ATP8B3: variants seen among roughly 807,000 people sequenced by gnomAD.
ATP8B3 encodes ATPase phospholipid transporting 8B3.
Under a neutral mutation model 140.9 loss-of-function variants are expected in ATP8B3, and 141 were observed. The ratio of observed to expected loss-of-function variants is 1.00; its 90% CI spans 0.87 to 1.15. ATP8B3 has a LOEUF of 1.15. Among genes scored for constraint, ATP8B3 ranks in the 50% most tolerant of loss-of-function variants. The pLI, the probability that ATP8B3 is intolerant of heterozygous loss-of-function variation, is 0.00. For synonymous variants in ATP8B3, 765 were observed against 714.6 expected, an observed-to-expected ratio of 1.07 and a Z score of -1.13; for missense variants, 1,874 against 1,740.6, an observed-to-expected ratio of 1.08 and a Z score of -1.36.
rs371682050 is a variant in ATP8B3 at position 1,789,876 on chromosome 19, T to A, written c.2478+14A>T. 3.1e-6 allele frequency: 5 copies of A among 1,608,768 alleles called. No homozygotes were observed. The highest frequency in any genetic ancestry group is 4.2e-6 in the Non-Finnish European group (5 of 1,177,726). ...GGCGCCGGGACCCCGCCGTCCACCC[T>A]GAGCGACACTGACCAGGAAGTCTCC... On this transcript the variant is annotated intron_variant, in intron 22 of 28. Transcript: ENST00000310127.
Position 1,796,249 on chromosome 19 carries a change from C to G in ATP8B3, c.1770G>C (p.Gln590His). 6.2e-7 allele frequency: 1 copy of G among 1,611,146 alleles called. No individual in the cohort carries two copies. Among genetic ancestry groups the G allele is most frequent in the South Asian group, 1.1e-5 (1 of 90,884 alleles). The change falls in exon 17 of 29, where the codon CAG becomes CAC. Residue 590 changes from glutamine to histidine, a missense_variant. Coordinates refer to ENST00000310127, the MANE Select transcript of ATP8B3 (RefSeq NM_138813.4). ...GCGCCCCCTCGTCGGGGGAGGCCGC[C>G]TGGTACAACAGCTGGTCTGGTAGGG... ...PRERPDQLLYQAASPDEGALV... is the reference protein window; with the variant it reads ...PRERPDQLLYHAASPDEGALV...
In ATP8B3 at chr19:1,805,348, G is replaced by A. The variant is rs756648135; in HGVS notation, c.904+26C>T. The A allele has an allele frequency of 7.8e-6, 12 of 1,532,642 alleles. No individual in the cohort carries two copies. Among genetic ancestry groups the A allele is most frequent in the African/African-American group, 6.9e-5 (5 of 72,826 alleles). The allele number at this position is 1,532,642 out of a possible 1,614,324, so 94.9% of individuals were successfully genotyped here. On this transcript the variant is annotated intron_variant, in intron 10 of 28. Transcript: ENST00000310127. This position sits in a 1 kb window ranked among gnomAD's most constrained non-coding sequence, Gnocchi z 5.2. ...TTTAACTTTTACAGATTCGAGGGAC[G>A]TGACTCCCTGCTCAACGCCTCTCAC...
intron 20 of ATP8B3, among the ~76,000 whole-genome samples, chr19:1,791,350 C>A (rs1360047917): frequency 6.6e-6 from 1 of 151,592 alleles, no homozygotes; most frequent in Non-Finnish European, 1.5e-5. Context: ...TAGCTGAGAC[C>A]ACAAGCATGT....
Position 1,785,684 on chromosome 19 carries a change from C to T in ATP8B3, c.3178G>A (p.Glu1060Lys). ...EQDVSAEQSL[E>K]KPELYVVGQK... ...CCCACCACGTACAGCTCCGGCTTCT[C>T]CAGGCTCTGCTCTGCGCTCACGTCC... The change falls in exon 26 of 29, where the codon GAG becomes AAG. Residue 1060 changes from glutamate (E) to lysine (K), a missense_variant. Around this residue, in one of 3 missense-constraint regions of ATP8B3, gnomAD observed 840 missense variants for 760.9 expected, o/e 1.10. Coordinates refer to ENST00000310127, the MANE Select transcript of ATP8B3 (RefSeq NM_138813.4). 1.2e-6 allele frequency: 2 copies of T among 1,610,948 alleles called. No homozygotes were observed. Among genetic ancestry groups the T allele is most frequent in the East Asian group, 2.2e-5 (1 of 44,794 alleles).
chr19:1,810,754 G>A (rs1173911464), intron 2 of ATP8B3, 71 bp from the exon 3 acceptor site: 2 of 1,461,800 alleles, frequency 1.4e-6, no homozygotes, highest in East Asian at 4.7e-5. Context: ...GGTCTTCAAG[G>A]AGCTCACAGC....
chr19:1,785,496 C>G lies in ATP8B3; in HGVS notation c.3366G>C (p.Leu1122=), dbSNP rs1306725316. The change falls in exon 26 of 29, where the codon CTG becomes CTC. Residue 1122 remains leucine, a synonymous_variant. Coordinates refer to ENST00000310127, the MANE Select transcript of ATP8B3 (RefSeq NM_138813.4). ...DHQSFAVVVA[L]SCLLSITMEV... is the part of the protein sequence containing the mutation. ...CCATGGTGATGGACAGCAGGCAAGA[C>G]AGGGCCACCACGACCGCAAAGGACT... 2 of 1,612,992 alleles carry G rather than the reference C, an allele frequency of 1.2e-6. No homozygotes were observed. The highest frequency in any genetic ancestry group is 2.7e-5 in the African/African-American group (2 of 75,070).
intron 10 of ATP8B3, among the ~76,000 whole-genome samples, chr19:1,804,373 G>A (rs1305498054): frequency 6.6e-6 from 1 of 152,204 alleles, no homozygotes; most frequent in African/African-American, 2.4e-5. Flanking sequence ...ACTTTGGGAA[G>A]CCGAGGCAGG....
chr19:1,805,542 A>G lies in ATP8B3; in HGVS notation c.822-86T>C, dbSNP rs1253086128. The G allele has an allele frequency of 1.1e-5, 13 of 1,173,994 alleles. No individual in the cohort carries two copies. Among genetic ancestry groups the G allele is most frequent in the Non-Finnish European group, 1.6e-5 (13 of 805,564 alleles). The allele number at this position is 1,173,994 out of a possible 1,614,324, so 72.7% of individuals were successfully genotyped here. A position where few individuals can be genotyped will look rare whatever the true frequency, so the allele number is the denominator to read the frequency against. ...AGACCCCTTCTGGAGTCACTCAAAC[A>G]TTTTCACTGAGCACCTACTAGTTCG... is the stretch of plus-strand genomic sequence containing the variant. On this transcript the variant is annotated intron_variant, in intron 9 of 28. Transcript: ENST00000310127. The surrounding 1 kb of genome is among the most constrained non-coding windows in gnomAD (Gnocchi z 5.2).
rs1348373183 is a variant in ATP8B3 at position 1,811,904 on chromosome 19, C to T, written c.-148-20G>A. ...GTGTATCTGGGGGCAGAAAGAGACACGGACACAGCGCTGGCTTCCTGCCCC... is the reference window on the plus strand; with the variant it reads ...GTGTATCTGGGGGCAGAAAGAGACATGGACACAGCGCTGGCTTCCTGCCCC... On this transcript the variant is annotated intron_variant, in intron 1 of 28. Coordinates refer to ENST00000310127, the MANE Select transcript of ATP8B3 (RefSeq NM_138813.4). 1.1e-5 allele frequency: 8 copies of T among 751,358 alleles called. No individual in the cohort carries two copies. The highest frequency in any genetic ancestry group is 3.5e-5 in the African/African-American group (2 of 56,474). The allele number at this position is 751,358 out of a possible 1,614,324, so 46.5% of individuals were successfully genotyped here.
rs1351242258 is a variant in ATP8B3 at position 1,794,141 on chromosome 19, C to T, written c.2055+1734G>A. On this transcript the variant is annotated intron_variant, in intron 18 of 28. Coordinates refer to ENST00000310127, the MANE Select transcript of ATP8B3 (RefSeq NM_138813.4). The surrounding 1 kb of genome is among the most constrained non-coding windows in gnomAD (Gnocchi z 4.8). ...CTCCTGCACTCAAGCGATCCTCCTG[C>T]CTCAGGCTCCCAAAGTGCTGGGACC... Among the ~76,000 whole-genome samples the T allele has an allele frequency of 1.3e-5, 2 of 152,214 alleles. No homozygotes were observed. Among genetic ancestry groups the T allele is most frequent in the South Asian group, 4.1e-4 (2 of 4,836 alleles).
rs946338952 is a variant in ATP8B3 at position 1,806,433 on chromosome 19, G to A, written c.677+195C>T. The stretch of plus-strand genomic sequence containing the variant: ...CGCCCGAGCCCTAAGCTCTGCAAGG[G>A]TTCGCCATCAGGGCCTCGGCCTCTG... On this transcript the variant is annotated intron_variant, in intron 7 of 28. Coordinates refer to ENST00000310127, the MANE Select transcript of ATP8B3 (RefSeq NM_138813.4). This position sits in a 1 kb window ranked among gnomAD's most constrained non-coding sequence, Gnocchi z 5.6. 9.7e-6 allele frequency: 14 copies of A among 1,449,370 alleles called. No homozygotes were observed. In the African/African-American group the frequency reaches 1.6e-4, roughly 16 times the overall value. 89.8% of individuals were successfully genotyped at this position (1,449,370 alleles called of 1,614,324 possible).
At chr19:1,796,409 G>A in intron 16 of ATP8B3, 144 bp from the exon 17 acceptor site, 1 of 848,008 alleles carries the variant, frequency 1.2e-6, no homozygotes, top group East Asian at 2.7e-5. Context: ...AATGCATGGA[G>A]GTGAGCACTT....
At position 1,806,430 on chromosome 19, in the gene ATP8B3, AG is replaced by A. The variant is rs1477380549; in HGVS notation, c.677+197del. On this transcript the variant is annotated intron_variant, in intron 7 of 28. Coordinates refer to ENST00000310127, the MANE Select transcript of ATP8B3 (RefSeq NM_138813.4). This position sits in a 1 kb window ranked among gnomAD's most constrained non-coding sequence, Gnocchi z 5.6. Reference sequence around the variant, plus strand: ...CATCGCCCGAGCCCTAAGCTCTGCAAGGGTTCGCCATCAGGGCCTCGGCCTC... The same window carrying A: ...CATCGCCCGAGCCCTAAGCTCTGCAAGGTTCGCCATCAGGGCCTCGGCCTC... The A allele has an allele frequency of 6.2e-6, 9 of 1,448,384 alleles. No individual in the cohort carries two copies. Among genetic ancestry groups the A allele is most frequent in the Non-Finnish European group, 8.1e-6 (9 of 1,107,076 alleles). The allele number at this position is 1,448,384 out of a possible 1,614,324, so 89.7% of individuals were successfully genotyped here. A position where few individuals can be genotyped will look rare whatever the true frequency, so the allele number is the denominator to read the frequency against.
intron 4 of ATP8B3, 23 bp from the exon 5 acceptor site, chr19:1,808,358 C>T (rs1375569547): frequency 6.3e-7 from 1 of 1,585,364 alleles, no homozygotes; most frequent in South Asian, 1.1e-5. Flanking sequence ...CCGCGGGCTG[C>T]CTGGCAGAGG....
At chr19:1,792,272 A>G (rs1444431648) in intron 18 of ATP8B3, 137 bp from the exon 19 acceptor site, 2 of 1,053,596 alleles carry the variant, frequency 1.9e-6, no homozygotes, top group African/African-American at 1.6e-5. Context: ...AACAGCAGCC[A>G]GAAGGGATTC....
intron 10 of ATP8B3, among the ~76,000 whole-genome samples, chr19:1,804,684 T>C (rs937649557): frequency 1.3e-5 from 2 of 151,628 alleles, no homozygotes; most frequent in African/African-American, 4.9e-5. Flanking sequence ...CACGCACCTG[T>C]AATCCCAGCT....
Position 1,785,603 on chromosome 19 carries a change from C to T in ATP8B3, c.3259G>A (p.Val1087Met), listed in dbSNP as rs766112451. The part of the protein sequence containing the change: ...WVFVQAIAHG[V>M]TTSLVNFFMT... Reference sequence around the variant, plus strand: ...AAGAAGTTGACCAGAGAGGTGGTCACACCATGGGCGATGGCTTGGACGAAG... The same window carrying T: ...AAGAAGTTGACCAGAGAGGTGGTCATACCATGGGCGATGGCTTGGACGAAG... Residue 1087 changes from valine (V) to methionine (M), a missense_variant, in exon 26 of 29, where the codon GTG becomes ATG. This residue lies in a region of ATP8B3 where 840 missense variants were observed against 760.9 expected (regional missense o/e 1.10). Coordinates refer to ENST00000310127, the MANE Select transcript of ATP8B3 (RefSeq NM_138813.4). 8 of 1,613,174 alleles carry T rather than the reference C, an allele frequency of 5.0e-6. No individual in the cohort carries two copies. Among genetic ancestry groups the T allele is most frequent in the Non-Finnish European group, 6.8e-6 (8 of 1,179,908 alleles).
chr19:1,799,568 C>A, intron 14 of ATP8B3: 1 of 422,098 alleles, frequency 2.4e-6, no homozygotes. Flanking sequence ...GAGTTCGAGA[C>A]CAGCATGGCC....
rs533401936 is a variant in ATP8B3 at position 1,791,653 on chromosome 19, A to G, written c.2302+97T>C. 2.4e-5 allele frequency: 23 copies of G among 962,586 alleles called. No homozygotes were observed. In the African/African-American group the frequency reaches 3.7e-4, roughly 16 times the overall value. The allele number at this position is 962,586 out of a possible 1,614,324, so 59.6% of individuals were successfully genotyped here. A position where few individuals can be genotyped will look rare whatever the true frequency, so the allele number is the denominator to read the frequency against. ...AGTGATCCGCCCGCCTCGGCCTCCC[A>G]AAGTGCTGGGATGACAGGTGTGAGC... On this transcript the variant is annotated intron_variant, in intron 20 of 28. Transcript: ENST00000310127.
Sources: allele counts gnomAD v4.1 joint callset (sites outside exome capture counted in the v4.1 genomes callset), GRCh38; gene constraint gnomAD v4.1.1; regional missense constraint gnomAD v4.1.1; non-coding constraint Gnocchi (gnomAD v3.1); transcripts MANE v1.5; gene names NCBI Gene and HGNC (gene_info 2026-07-23, HGNC 2026-07-21).